Variants in NWD1 observed in about 807,000 individuals in gnomAD.
NWD1 encodes NACHT and WD repeat domain containing 1.
A neutral mutation model predicts 135.1 loss-of-function variants in NWD1; 129 were observed. That is an observed-to-expected ratio of 0.96 (90% CI 0.83 to 1.11). NWD1 has a LOEUF of 1.11. Ranked by LOEUF, NWD1 falls within the 50% of genes least tolerant of loss-of-function variation. The pLI is 0.00. For synonymous variants in NWD1, 773 were observed against 786.0 expected (o/e 0.98, Z 0.28); for missense variants, 1,740 against 1,851.3 (o/e 0.94, Z 1.10).
intron 8 of NWD1, 83 bp downstream of exon 8, chr19:16,762,221 A>C: frequency 4.8e-6 from 6 of 1,261,556 alleles, no homozygotes; most frequent in East Asian, 5.2e-5. Flanking sequence ...CCCTTTTTGC[A>C]CTCGAAATGT....
At chr19:16,767,796 C>G (rs897986648) in intron 10 of NWD1, among the ~76,000 whole-genome samples, 1 of 152,042 alleles carries the variant, frequency 6.6e-6, no homozygotes, top group African/African-American at 2.4e-5. Context: ...ATATCTCTCC[C>G]CATTCTCCCT....
intron 5 of NWD1, among the ~76,000 whole-genome samples, chr19:16,748,641 T>C (rs1330987214): frequency 6.6e-6 from 1 of 151,840 alleles, no homozygotes; most frequent in African/African-American, 2.4e-5. Flanking sequence ...TTGGGCAACA[T>C]AGTAAGACCC....
intron 2 of NWD1, among the ~76,000 whole-genome samples, chr19:16,729,937 G>A (rs1217402308): frequency 6.6e-6 from 1 of 150,634 alleles, no homozygotes; most frequent in African/African-American, 2.5e-5. Flanking sequence ...AAGGAAAGAA[G>A]GAAAAGAAAG....
chr19:16,730,306 G>A (rs1967505550), intron 2 of NWD1, among the ~76,000 whole-genome samples: 1 of 151,670 alleles, frequency 6.6e-6, no homozygotes, highest in South Asian at 2.1e-4. Context: ...TGGTGACAGA[G>A]TAAGACTTCG....
chr19:16,769,354 C>T lies in NWD1; in HGVS notation c.2411-3772C>T, dbSNP rs373041986. Among the ~76,000 whole-genome samples, 36 of 151,628 alleles carry T rather than the reference C, an allele frequency of 2.4e-4. No homozygotes were observed. The South Asian group carries it at 6.5e-3, about 27-fold the overall frequency. On this transcript the variant is annotated intron_variant, in intron 10 of 18. Coordinates refer to ENST00000524140, the MANE Select transcript of NWD1 (RefSeq NM_001007525.5). The stretch of plus-strand genomic sequence containing the variant: ...GCACGCACCTGTAATCCCAGTTACT[C>T]GGGAGGCTGAGGCAGGAGAATTGCT...
intron 10 of NWD1, 77 bp from the exon 11 acceptor site, chr19:16,773,049 G>A: frequency 2.4e-6 from 3 of 1,235,728 alleles, no homozygotes; most frequent in Admixed American, 1.7e-5. Context: ...AGCCCCTGCA[G>A]GGAGCAGAGA....
chr19:16,773,973 TC>T (rs2122955555), intron 11 of NWD1, among the ~76,000 whole-genome samples: 1 of 122,842 alleles, frequency 8.1e-6, no homozygotes, highest in South Asian at 2.8e-4. Context: ...CATCCATCCA[TC>T]CATTAATTCA....
In NWD1 at chr19:16,730,835, C is replaced by G. The variant is rs919427563; in HGVS notation, c.-6-357C>G. Among the ~76,000 whole-genome samples the G allele has an allele frequency of 2.4e-4, 37 of 151,880 alleles. 1 individual carries two copies. Among genetic ancestry groups the G allele is most frequent in the Admixed American group, 2.4e-3 (37 of 15,226 alleles). On this transcript the variant is annotated intron_variant, in intron 2 of 18. Transcript: ENST00000524140. ...CTTGAGTCCAGGAGTTCAAGACCAG[C>G]CTAGGAAACATAAGGAGACTCCACA... is the stretch of plus-strand genomic sequence containing the variant.
intron 6 of NWD1, among the ~76,000 whole-genome samples, chr19:16,756,421 AGG>A (rs1307341389): frequency 6.6e-6 from 1 of 152,198 alleles, no homozygotes; most frequent in Non-Finnish European, 1.5e-5. Context: ...GAGACAGCAC[AGG>A]CGGAAGAAAA....
chr19:16,791,481 C>T lies in NWD1; in HGVS notation c.3072C>T (p.Val1024=), dbSNP rs1568383937. Residue 1024 remains valine (V), a synonymous_variant, in exon 14 of 19, where the codon GTC becomes GTT. Transcript: ENST00000524140. ...TLLTVSRDGV[V]SLWSSATGKL... ...TGACAGTGTCCAGGGATGGTGTGGTCAGTCTGTGGAGCTCAGCTACGGGAA... is the reference window on the plus strand; with the variant it reads ...TGACAGTGTCCAGGGATGGTGTGGTTAGTCTGTGGAGCTCAGCTACGGGAA... 1.9e-6 allele frequency: 3 copies of T among 1,614,158 alleles called. No homozygotes were observed. Among genetic ancestry groups the T allele is most frequent in the East Asian group, 4.5e-5 (2 of 44,868 alleles).
chr19:16,732,678 G>GAAAAAAAAAAAAAAAAAA (rs1967629872), intron 3 of NWD1, among the ~76,000 whole-genome samples: 2 of 51,652 alleles, frequency 3.9e-5, no homozygotes, highest in African/African-American at 2.6e-4. Flanking sequence ...AAGAAAAAGT[G>GAAAAAAAAAAAAAAAAAA]AAAAAGTGCA....
Position 16,782,320 on chromosome 19 carries a change from G to A in NWD1, c.2731+2855G>A, listed in dbSNP as rs189431622. On this transcript the variant is annotated intron_variant, in intron 12 of 18. Transcript: ENST00000524140. ...AAAAAAAAAAAAGTGTTTTAAATTA[G>A]CCAGGCATGGTGGTGTGCACCTGAA... 3.3e-3 allele frequency among the ~76,000 whole-genome samples: 489 copies of A among 147,594 alleles called. 3 individuals are homozygous for A. Among genetic ancestry groups the A allele is most frequent in the Non-Finnish European group, 6.0e-3 (402 of 67,420 alleles).
intron 18 of NWD1, 88 bp downstream of exon 18, chr19:16,808,224 G>T (rs1970817216): frequency 4.8e-6 from 6 of 1,259,548 alleles, no homozygotes; most frequent in Non-Finnish European, 6.8e-6. Context: ...CACACCATGG[G>T]CCATCGACCA....
rs369683569 is a variant in NWD1, at chr19:16,759,193, G to A, written c.1770-32G>A. ...CCTCCAAATGCAGAAGACATGAGAT[G>A]TGCCTCAAAGCCCCACTGGTCCTCC... On this transcript the variant is annotated intron_variant, in intron 6 of 18. Coordinates refer to ENST00000524140, the MANE Select transcript of NWD1 (RefSeq NM_001007525.5). 2.0e-5 allele frequency: 31 copies of A among 1,564,962 alleles called. No individual in the cohort carries two copies. The African/African-American group carries it at 3.2e-4, about 16-fold the overall frequency.
rs547266705 is a variant in NWD1, at chr19:16,770,266, A to G, written c.2411-2860A>G. Among the ~76,000 whole-genome samples the G allele has an allele frequency of 3.3e-5, 5 of 152,232 alleles. No individual in the cohort carries two copies. The East Asian group carries it at 9.7e-4, about 29-fold the overall frequency. On this transcript the variant is annotated intron_variant, in intron 10 of 18. Transcript: ENST00000524140. Reference sequence around the variant, plus strand: ...TGTTTTCCTCCATGCTGTTCTCCTGATACTGAGTAAGCTCTCAAGAGATCT... The same window carrying G: ...TGTTTTCCTCCATGCTGTTCTCCTGGTACTGAGTAAGCTCTCAAGAGATCT...
intron 7 of NWD1, among the ~76,000 whole-genome samples, chr19:16,761,350 C>CTCTTTCTT (rs145039514): frequency 1.9e-4 from 27 of 144,198 alleles, no homozygotes; most frequent in South Asian, 1.0e-3. Context: ...CCCTTTCTTT[C>CTCTTTCTT]TCTTTCTTTC....
At chr19:16,812,093 T>A (rs1970943394) in intron 18 of NWD1, among the ~76,000 whole-genome samples, 1 of 152,070 alleles carries the variant, frequency 6.6e-6, no homozygotes, top group Non-Finnish European at 1.5e-5. Flanking sequence ...GGCAGATCAC[T>A]TGAGGTCAGT....
chr19:16,771,411 C>T (rs1969407109), intron 10 of NWD1, among the ~76,000 whole-genome samples: 1 of 152,148 alleles, frequency 6.6e-6, no homozygotes, highest in African/African-American at 2.4e-5. Context: ...GATCACGCCA[C>T]CGCACTCCAA....
At chr19:16,770,330 CA>C (rs1969370939) in intron 10 of NWD1, among the ~76,000 whole-genome samples, 1 of 152,144 alleles carries the variant, frequency 6.6e-6, no homozygotes. Context: ...CCCCTTTGCT[CA>C]GCTCTCATTC....
Sources: gnomAD v4.1 joint callset for allele counts (sites outside exome capture counted in the v4.1 genomes callset) on GRCh38, gnomAD v4.1.1 for gene constraint, MANE v1.5 for transcripts, NCBI Gene and HGNC (gene_info 2026-07-23, HGNC 2026-07-21) for gene names.